CSMD1: variants seen among roughly 807,000 people sequenced by gnomAD.
CSMD1 encodes the protein CUB and sushi domain-containing protein 1.
A neutral mutation model predicts 417.5 loss-of-function variants in CSMD1; 213 were observed. The observed-to-expected ratio is 0.51, with a 90% CI of 0.46 to 0.57. The LOEUF is 0.57. Ranked by LOEUF, CSMD1 falls within the 20% of genes least tolerant of loss-of-function variation. The pLI, the probability that CSMD1 is intolerant of heterozygous loss-of-function variation, is 0.00. For missense variants in CSMD1, 6,923 were observed against 4,529.7 expected (o/e 1.53, Z -15.17); for synonymous variants, 2,862 against 1,736.8 (o/e 1.65, Z -16.11).
intron 1 of CSMD1, among the ~76,000 whole-genome samples, chr8:4,905,688 C>A (rs529505743): frequency 6.6e-6 from 1 of 151,634 alleles, no homozygotes; most frequent in African/African-American, 2.4e-5. Context: ...GGCGTGGTGG[C>A]GGGCGCCTGT....
intron 3 of CSMD1, among the ~76,000 whole-genome samples, chr8:4,212,017 G>C (rs573222545): frequency 5.3e-5 from 8 of 152,090 alleles, no homozygotes; most frequent in Admixed American, 2.6e-4. Context: ...ACTTGCATTT[G>C]TGCAGCTGTA....
At chr8:4,012,812 A>C (rs970964111) in intron 4 of CSMD1, among the ~76,000 whole-genome samples, 2 of 151,962 alleles carry the variant, frequency 1.3e-5, no homozygotes, top group African/African-American at 4.8e-5. Context: ...ATAAACGGTA[A>C]CTCCATTCTT....
intron 26 of CSMD1, 125 bp downstream of exon 26, chr8:3,284,019 T>C (rs1584927895): frequency 3.4e-6 from 3 of 871,912 alleles, no homozygotes; most frequent in East Asian, 5.3e-5. Context: ...TTTTCCTAAC[T>C]TCAAATTAGG....
intron 10 of CSMD1, among the ~76,000 whole-genome samples, chr8:3,548,844 G>A (rs1312637210): frequency 6.6e-6 from 1 of 152,046 alleles, no homozygotes; most frequent in East Asian, 1.9e-4. Flanking sequence ...TAGGAGGGCA[G>A]GCAGGGTGCT....
intron 1 of CSMD1, among the ~76,000 whole-genome samples, chr8:4,685,777 TA>T (rs1180982937): frequency 6.6e-6 from 1 of 152,166 alleles, no homozygotes; most frequent in Admixed American, 6.5e-5. Flanking sequence ...AAAAAATATT[TA>T]TTAGGTCGGT....
At chr8:4,248,899 A>T (rs1046693475) in intron 3 of CSMD1, among the ~76,000 whole-genome samples, 1 of 152,156 alleles carries the variant, frequency 6.6e-6, no homozygotes, top group Non-Finnish European at 1.5e-5. Context: ...AAAAAAATCC[A>T]TTTAGACCAT....
intron 6 of CSMD1, among the ~76,000 whole-genome samples, chr8:3,753,123 G>A (rs551359945): frequency 2.0e-5 from 3 of 152,254 alleles, no homozygotes; most frequent in South Asian, 4.1e-4. Flanking sequence ...CACATGGCAG[G>A]TGTTCAGCGA....
chr8:4,900,947 G>A (rs1011179257), intron 1 of CSMD1, among the ~76,000 whole-genome samples: 3 of 152,210 alleles, frequency 2.0e-5, no homozygotes, highest in South Asian at 2.1e-4. Flanking sequence ...AGCACAGTGC[G>A]GCCACATGGC....
At chr8:4,977,718 A>C (rs1810644980) in intron 1 of CSMD1, among the ~76,000 whole-genome samples, 2 of 152,204 alleles carry the variant, frequency 1.3e-5, no homozygotes, top group Admixed American at 6.5e-5. Context: ...TTTGAAAACT[A>C]AGTCACTAAG....
intron 23 of CSMD1, among the ~76,000 whole-genome samples, chr8:3,314,256 AT>A (rs1424755733): frequency 6.6e-6 from 1 of 152,210 alleles, no homozygotes; most frequent in African/African-American, 2.4e-5. Flanking sequence ...TAATAAAAAA[AT>A]AAAAAATAAA....
intron 5 of CSMD1, among the ~76,000 whole-genome samples, chr8:3,942,930 A>G (rs559366829): frequency 2.0e-4 from 30 of 152,308 alleles, no homozygotes; most frequent in African/African-American, 6.5e-4. Flanking sequence ...AATTTAAAAA[A>G]TACTGGCACG....
intron 3 of CSMD1, among the ~76,000 whole-genome samples, chr8:4,048,578 T>C (rs1798267230): frequency 6.6e-6 from 1 of 152,214 alleles, no homozygotes; most frequent in African/African-American, 2.4e-5. Context: ...TGAGGTGGTG[T>C]GGCTCCAGAG....
chr8:4,004,511 A>C (rs1815953845), intron 4 of CSMD1, among the ~76,000 whole-genome samples: 1 of 151,900 alleles, frequency 6.6e-6, no homozygotes, highest in African/African-American at 2.4e-5. Flanking sequence ...TGTTATATTC[A>C]GCAACAATGA....
At chr8:4,848,167 G>C (rs1185101424) in intron 1 of CSMD1, among the ~76,000 whole-genome samples, 1 of 152,174 alleles carries the variant, frequency 6.6e-6, no homozygotes, top group African/African-American at 2.4e-5. Context: ...TCTTGGTCTG[G>C]CTGAATAATA....
chr8:3,797,954 C>T (rs74974216), intron 5 of CSMD1, among the ~76,000 whole-genome samples: 4,568 of 152,032 alleles, frequency 0.03, 169 homozygotes, highest in African/African-American at 0.083. Context: ...GTTCTCATAA[C>T]TATTTACTGG....
At chr8:4,611,853 G>A (rs1191347043) in intron 2 of CSMD1, among the ~76,000 whole-genome samples, 1 of 152,158 alleles carries the variant, frequency 6.6e-6, no homozygotes, top group Non-Finnish European at 1.5e-5. Context: ...ACCAGGGTTT[G>A]AAGTGCCTGC....
chr8:3,818,411 G>C (rs117000159), intron 5 of CSMD1, among the ~76,000 whole-genome samples: 3,478 of 152,220 alleles, frequency 0.023, 46 homozygotes, highest in African/African-American at 0.036. Context: ...TCAGAAAACA[G>C]CACCAAACAA....
chr8:3,652,215 G>C (rs538507079), intron 7 of CSMD1, among the ~76,000 whole-genome samples: 1 of 148,000 alleles, frequency 6.8e-6, no homozygotes, highest in South Asian at 2.2e-4. Flanking sequence ...ACCACCATCA[G>C]AGCGCCATCA....
At position 3,432,110 on chromosome 8, in the gene CSMD1, T is replaced by A. The variant is rs367714117; in HGVS notation, c.1562-22505A>T. 1.4e-4 allele frequency among the ~76,000 whole-genome samples: 21 copies of A among 152,324 alleles called. No individual in the cohort carries two copies. The East Asian group carries it at 1.9e-3, about 14-fold the overall frequency. On this transcript the variant is annotated intron_variant, in intron 12 of 69. Transcript: ENST00000635120. The stretch of plus-strand genomic sequence containing the variant: ...AGTCCCAGAACCCAGTTGGTAGTTA[T>A]CAACCAACAACTTACCAGAAAGATG...
Sources: gnomAD v4.1 joint callset for allele counts (sites outside exome capture counted in the v4.1 genomes callset) on GRCh38, gnomAD v4.1.1 for gene constraint, MANE v1.5 for transcripts, NCBI Gene and HGNC (gene_info 2026-07-23, HGNC 2026-07-21) for gene names.